Variants in AGTPBP1 observed in about 807,000 individuals in gnomAD.
The protein encoded by AGTPBP1 is ATP/GTP binding carboxypeptidase 1, also known as cytosolic carboxypeptidase 1.
In AGTPBP1, 70 loss-of-function variants were observed where a neutral mutation model predicts 143.9. The ratio of observed to expected loss-of-function variants is 0.49; its 90% CI spans 0.40 to 0.59. AGTPBP1 has a LOEUF of 0.59. Ranked by LOEUF, AGTPBP1 falls within the 20% of genes least tolerant of loss-of-function variation. AGTPBP1 has a pLI of 0.00. For synonymous variants in AGTPBP1, 463 were observed against 500.2 expected (o/e 0.93, Z 0.99); for missense variants, 1,229 against 1,464.5 (o/e 0.84, Z 2.62).
intron 8 of AGTPBP1, among the ~76,000 whole-genome samples, chr9:85,665,428 G>T (rs1186987388): frequency 6.6e-6 from 1 of 152,144 alleles, no homozygotes; most frequent in African/African-American, 2.4e-5. Context: ...GTTGATTTTG[G>T]ACTTCCAGCC....
intron 1 of AGTPBP1, chr9:85,741,150 TCTGATTCAGGTTCAAA>T: frequency 1.1e-6 from 1 of 902,828 alleles, no homozygotes; most frequent in Non-Finnish European, 1.3e-6. Flanking sequence ...TCCAGGGTGA[TCTGATTCAGGTTCAAA>T]CCAAACGCTC....
At chr9:85,672,419 A>T in intron 7 of AGTPBP1, 131 bp downstream of exon 7, 2 of 1,082,760 alleles carry the variant, frequency 1.8e-6, no homozygotes, top group Non-Finnish European at 1.3e-6. Flanking sequence ...GTCAAGAGTT[A>T]AAATGAGCCA....
intron 3 of AGTPBP1, among the ~76,000 whole-genome samples, chr9:85,687,219 C>G (rs1312475777): frequency 6.6e-6 from 1 of 152,040 alleles, no homozygotes; most frequent in Non-Finnish European, 1.5e-5. Flanking sequence ...CAGCTAAGAA[C>G]AGGGCCTCAA....
intron 25 of AGTPBP1, among the ~76,000 whole-genome samples, chr9:85,566,552 C>G (rs1827115108): frequency 2.8e-5 from 3 of 105,972 alleles, no homozygotes; most frequent in Admixed American, 8.6e-5. Context: ...AAAAAAAAGG[C>G]TGGTATAGAA....
intron 1 of AGTPBP1, among the ~76,000 whole-genome samples, chr9:85,717,314 G>C (rs1446059559): frequency 2.0e-5 from 3 of 152,036 alleles, no homozygotes; most frequent in Non-Finnish European, 4.4e-5. Context: ...GACCAGCCTG[G>C]GCAATATAGC....
intron 7 of AGTPBP1, among the ~76,000 whole-genome samples, 194 bp from the exon 8 acceptor site, chr9:85,669,772 G>C (rs749229087): frequency 6.8e-6 from 1 of 147,890 alleles, no homozygotes; most frequent in African/African-American, 2.5e-5. Flanking sequence ...GAAAGTGCAG[G>C]GAAATTCTGA....
chr9:85,548,176 T>G (rs1289147784), intron 25 of AGTPBP1, among the ~76,000 whole-genome samples: 1 of 151,924 alleles, frequency 6.6e-6, no homozygotes, highest in Non-Finnish European at 1.5e-5. Flanking sequence ...ACCTATAAAA[T>G]CAGACAATGA....
chr9:85,642,890 T>C lies in AGTPBP1; in HGVS notation c.1239A>G (p.Gly413=). The change falls in exon 13 of 26, where the codon GGA becomes GGG. Residue 413 remains glycine, a synonymous_variant. Transcript: ENST00000357081. Reference sequence around the variant, plus strand: ...ACATTTTTAGATCTTCTATTGTTCGTCCCGGTTCTTGCTGGGGTTTTAGTT... The same window carrying C: ...ACATTTTTAGATCTTCTATTGTTCGCCCCGGTTCTTGCTGGGGTTTTAGTT... ...INKLKPQQEP[G]RTIEDLKMYE... The C allele has an allele frequency of 1.9e-6, 3 of 1,613,704 alleles. No individual in the cohort carries two copies. The highest frequency in any genetic ancestry group is 1.7e-6 in the Non-Finnish European group (2 of 1,179,894).
chr9:85,736,018 AT>A (rs1455175931), intron 1 of AGTPBP1, among the ~76,000 whole-genome samples: 1 of 152,214 alleles, frequency 6.6e-6, no homozygotes, highest in Non-Finnish European at 1.5e-5. Context: ...ATGAGCAGAG[AT>A]TAAGAAGGGA....
chr9:85,708,288 G>A (rs556205033), intron 2 of AGTPBP1, among the ~76,000 whole-genome samples: 14 of 151,998 alleles, frequency 9.2e-5, no homozygotes, highest in African/African-American at 3.4e-4. Context: ...TGATTACACT[G>A]GGCCCACACA....
chr9:85,623,473 G>C (rs760665718), intron 14 of AGTPBP1, among the ~76,000 whole-genome samples: 2 of 152,116 alleles, frequency 1.3e-5, no homozygotes, highest in Admixed American at 6.6e-5. Context: ...AAAGAGGAGA[G>C]GCAGGGCATG....
chr9:85,633,317 C>T lies in AGTPBP1; in HGVS notation c.1360G>A (p.Gly454Ser), dbSNP rs1256720597. The stretch of plus-strand genomic sequence containing the variant: ...CCTGCCGTAGGAACAACAATAGGAC[C>T]ACGTACTTTTCCCTCAAATACAAAA... Reference protein sequence around the residue: ...KPFVFEGKVRGPIVVPTAGEE... With the variant: ...KPFVFEGKVRSPIVVPTAGEE... The change falls in exon 14 of 26, where the codon GGT becomes AGT. Residue 454 changes from glycine (G) to serine (S), a missense_variant. Coordinates refer to ENST00000357081, the MANE Select transcript of AGTPBP1 (RefSeq NM_001330701.2). 1 of 1,602,886 alleles carries T rather than the reference C, an allele frequency of 6.2e-7. No homozygotes were observed. The highest frequency in any genetic ancestry group is 1.8e-5 in the Admixed American group (1 of 56,720).
the AGTPBP1 span, among the ~76,000 whole-genome samples, chr9:85,766,213 G>C: frequency 1.3e-5 from 2 of 151,616 alleles, no homozygotes; most frequent in African/African-American, 2.4e-5. Context: ...TAAGAAAACT[G>C]TAAACTCTGA....
At chr9:85,566,341 AG>A (rs1175499156) in intron 25 of AGTPBP1, among the ~76,000 whole-genome samples, 4 of 151,374 alleles carry the variant, frequency 2.6e-5, no homozygotes, top group Non-Finnish European at 5.9e-5. Flanking sequence ...CAACATAGGG[AG>A]GCTCCCTCTC....
chr9:85,674,788 T>C lies in AGTPBP1; in HGVS notation c.437-2107A>G, dbSNP rs536588940. 4.5e-4 allele frequency among the ~76,000 whole-genome samples: 69 copies of C among 152,344 alleles called. 2 individuals are homozygous for C. The South Asian group carries it at 0.014, about 30-fold the overall frequency. On this transcript the variant is annotated intron_variant, in intron 6 of 25. Transcript: ENST00000357081. ...TAAAGATATGCTAGAAATACGTATG[T>C]TAATAAATACACAAACTATGTACAC...
intron 10 of AGTPBP1, among the ~76,000 whole-genome samples, chr9:85,656,125 C>T (rs1833496806): frequency 6.6e-6 from 1 of 152,178 alleles, no homozygotes; most frequent in African/African-American, 2.4e-5. Flanking sequence ...CTGCGCCTGG[C>T]CCACAATATA....
chr9:85,589,465 C>T (rs900997185), intron 20 of AGTPBP1, 63 bp downstream of exon 20: 18 of 1,510,898 alleles, frequency 1.2e-5, no homozygotes, highest in African/African-American at 1.4e-5. Context: ...TTATAAAATA[C>T]GGTTAAAGCA....
intron 1 of AGTPBP1, among the ~76,000 whole-genome samples, chr9:85,712,795 C>T (rs768831864): frequency 1.3e-5 from 2 of 152,122 alleles, no homozygotes; most frequent in Non-Finnish European, 2.9e-5. Context: ...AAATCCGGAG[C>T]TACAAAAACG....
chr9:85,770,542 A>G, the AGTPBP1 span: 3 of 899,042 alleles, frequency 3.3e-6, no homozygotes, highest in South Asian at 3.0e-5. Context: ...GTCAAGATGC[A>G]TACATCCTAT....
Sources: allele counts gnomAD v4.1 joint callset (sites outside exome capture counted in the v4.1 genomes callset), GRCh38; gene constraint gnomAD v4.1.1; transcripts MANE v1.5; gene names NCBI Gene and HGNC (gene_info 2026-07-23, HGNC 2026-07-21).